Variants in FAM168A observed in about 807,000 individuals in gnomAD.
The protein encoded by FAM168A is family with sequence similarity 168 member A.
Under a neutral mutation model 28.5 loss-of-function variants are expected in FAM168A, and 3 were observed. The observed-to-expected ratio is 0.11, with a 90% confidence interval of 0.05 to 0.27. The LOEUF is 0.27. FAM168A is among the 10% of genes least tolerant of loss of function. The probability of loss-of-function intolerance (pLI) is 1.00; values close to 1 mark genes in which losing one functional copy is unlikely to be tolerated. For synonymous variants in FAM168A, 122 were observed against 124.2 expected (o/e 0.98, Z 0.12); for missense variants, 222 against 311.5 (o/e 0.71, Z 2.16).
rs1043726516 is a variant in FAM168A, at chr11:73,492,596, G to A, written c.-18-24104C>T. On this transcript the variant is annotated intron_variant, in intron 1 of 7. Coordinates refer to ENST00000356467, the MANE Select transcript of FAM168A (RefSeq NM_015159.3). ...GTCAAGGCTGCGGTAAGCCGAGATC[G>A]CACCTCTGCACTCCAGCCTGGTGAC... Among the ~76,000 whole-genome samples, 11 of 152,144 alleles carry A rather than the reference G, an allele frequency of 7.2e-5. 1 individual carries two copies. In the South Asian group the frequency reaches 8.3e-4, roughly 11 times the overall value.
chr11:73,532,590 G>T (rs112199509), intron 1 of FAM168A, among the ~76,000 whole-genome samples: 1 of 152,124 alleles, frequency 6.6e-6, no homozygotes. Flanking sequence ...TCAGTTTTTT[G>T]CAAGTCCAAA....
At chr11:73,581,951 T>C (rs1039826722) in intron 1 of FAM168A, among the ~76,000 whole-genome samples, 1 of 151,960 alleles carries the variant, frequency 6.6e-6, no homozygotes, top group Non-Finnish European at 1.5e-5. Flanking sequence ...ACTCCTGACC[T>C]TGTGATCCGC....
intron 1 of FAM168A, among the ~76,000 whole-genome samples, chr11:73,587,165 A>AAAAAC (rs1565309791): frequency 1.3e-5 from 2 of 149,534 alleles, no homozygotes; most frequent in African/African-American, 4.9e-5. Flanking sequence ...AAAAAAAAAA[A>AAAAAC]AAAAAAAAAA....
At chr11:73,544,963 A>T (rs1223897021) in intron 1 of FAM168A, among the ~76,000 whole-genome samples, 1 of 92,728 alleles carries the variant, frequency 1.1e-5, no homozygotes, top group African/African-American at 5.9e-5. Flanking sequence ...TATTATATAT[A>T]ATATATATTA....
chr11:73,450,698 G>A (rs763214245), intron 2 of FAM168A, among the ~76,000 whole-genome samples: 9 of 141,056 alleles, frequency 6.4e-5, no homozygotes, highest in Non-Finnish European at 1.3e-4. Context: ...AACAGCAATA[G>A]TGACAGGTTT....
intron 1 of FAM168A, among the ~76,000 whole-genome samples, chr11:73,558,697 A>G (rs892724065): frequency 6.6e-6 from 1 of 152,216 alleles, no homozygotes; most frequent in Non-Finnish European, 1.5e-5. Flanking sequence ...GATGCTTAAC[A>G]TCATTTATTA....
At chr11:73,536,992 G>T (rs932338072) in intron 1 of FAM168A, among the ~76,000 whole-genome samples, 1 of 152,122 alleles carries the variant, frequency 6.6e-6, no homozygotes, top group Non-Finnish European at 1.5e-5. Flanking sequence ...TTAGATTTTT[G>T]TATGAGGAAG....
intron 1 of FAM168A, among the ~76,000 whole-genome samples, chr11:73,513,354 C>T (rs1855267264): frequency 6.6e-6 from 1 of 150,752 alleles, no homozygotes; most frequent in African/African-American, 2.5e-5. Context: ...GGACTACAGG[C>T]GTCCAACACC....
At position 73,438,994 on chromosome 11, in the gene FAM168A, T is replaced by C. The variant is rs146863278; in HGVS notation, c.71-8224A>G. Among the ~76,000 whole-genome samples, 254 of 136,872 alleles carry C rather than the reference T, an allele frequency of 1.9e-3. 1 individual carries two copies. The highest frequency in any genetic ancestry group is 0.016 in the East Asian group (72 of 4,518). The allele number at this position is 136,872 out of a possible 152,430, so 89.8% of individuals were successfully genotyped here. A position where few individuals can be genotyped will look rare whatever the true frequency, so the allele number is the denominator to read the frequency against. On this transcript the variant is annotated intron_variant, in intron 2 of 7. Coordinates refer to ENST00000356467, the MANE Select transcript of FAM168A (RefSeq NM_015159.3). ...CTTTGATAGGCAGAAGGAAATAAAA[T>C]AAATAGACCCTTGAATCTGTTAGCT... is the stretch of plus-strand genomic sequence containing the variant.
At chr11:73,480,862 T>C (rs539255987) in intron 1 of FAM168A, among the ~76,000 whole-genome samples, 2 of 152,356 alleles carry the variant, frequency 1.3e-5, no homozygotes, top group African/African-American at 4.8e-5. Flanking sequence ...ACAATCCAGA[T>C]GTATTATCTA....
At chr11:73,442,646 T>TA (rs1867217075) in intron 2 of FAM168A, among the ~76,000 whole-genome samples, 1 of 152,078 alleles carries the variant, frequency 6.6e-6, no homozygotes. Flanking sequence ...TCACAGAACA[T>TA]ACTTTGGTAT....
At chr11:73,511,506 G>C (rs1164391891) in intron 1 of FAM168A, among the ~76,000 whole-genome samples, 2 of 150,704 alleles carry the variant, frequency 1.3e-5, no homozygotes, top group Admixed American at 1.3e-4. Context: ...CAAAGTGCTG[G>C]GATTACAGGC....
chr11:73,545,897 G>A (rs11235800), intron 1 of FAM168A, among the ~76,000 whole-genome samples: 2 of 151,946 alleles, frequency 1.3e-5, no homozygotes, highest in Admixed American at 1.3e-4. Context: ...AACCCTGTGA[G>A]ATGAGGGTTA....
Position 73,560,841 on chromosome 11 carries a change from T to C in FAM168A, c.-19+37082A>G, listed in dbSNP as rs543060939. ...ACTTTGGGAGGCCAAGGCGGGCACATAGCCTGAGACCAGGAGTTCAAGACC... is the reference window on the plus strand; with the variant it reads ...ACTTTGGGAGGCCAAGGCGGGCACACAGCCTGAGACCAGGAGTTCAAGACC... On this transcript the variant is annotated intron_variant, in intron 1 of 7. Transcript: ENST00000356467. Among the ~76,000 whole-genome samples the C allele has an allele frequency of 3.9e-4, 60 of 152,202 alleles. 1 individual carries two copies. Among genetic ancestry groups the C allele is most frequent in the African/African-American group, 1.4e-3 (59 of 41,516 alleles).
intron 1 of FAM168A, among the ~76,000 whole-genome samples, chr11:73,582,551 A>T (rs926561907): frequency 3.3e-5 from 5 of 152,202 alleles, no homozygotes; most frequent in African/African-American, 1.2e-4. Context: ...TAGGGTAATT[A>T]AAAACCCACA....
chr11:73,597,491 C>T (rs1944450506), intron 1 of FAM168A, among the ~76,000 whole-genome samples: 1 of 151,902 alleles, frequency 6.6e-6, no homozygotes, highest in African/African-American at 2.4e-5. Context: ...TGAAATCATT[C>T]CCCTGCCCCT....
At chr11:73,407,699 G>T in intron 6 of FAM168A, 56 bp from the exon 7 acceptor site, 2 of 1,405,258 alleles carry the variant, frequency 1.4e-6, no homozygotes, top group Non-Finnish European at 2.0e-6. Context: ...ACACAGGAAT[G>T]AAGAGGATGA....
chr11:73,457,123 C>T (rs1392678493), intron 2 of FAM168A, among the ~76,000 whole-genome samples: 1 of 152,184 alleles, frequency 6.6e-6, no homozygotes, highest in East Asian at 1.9e-4. Context: ...TACAATGGCT[C>T]ATTCCTATAA....
intron 1 of FAM168A, among the ~76,000 whole-genome samples, chr11:73,596,265 G>A (rs1475428998): frequency 1.3e-5 from 2 of 152,232 alleles, no homozygotes; most frequent in South Asian, 2.1e-4. Flanking sequence ...CAAAATGCCT[G>A]GCTAGTTTTT....
Sources: gnomAD v4.1 joint callset for allele counts (sites outside exome capture counted in the v4.1 genomes callset) on GRCh38, gnomAD v4.1.1 for gene constraint, MANE v1.5 for transcripts, NCBI Gene and HGNC (gene_info 2026-07-23, HGNC 2026-07-21) for gene names.